FBXL5: variants seen among roughly 807,000 people sequenced by gnomAD.
FBXL5 encodes the protein F-box/LRR-repeat protein 5.
FBXL5 carries 26 observed loss-of-function variants against 78.3 expected under a neutral mutation model. That is an observed-to-expected ratio of 0.33 (90% CI 0.24 to 0.46). The LOEUF (loss-of-function observed/expected upper bound fraction) is 0.46. Ranked by LOEUF, FBXL5 falls within the 20% of genes least tolerant of loss-of-function variation. The probability of loss-of-function intolerance (pLI) is 1.00; values close to 1 mark genes in which losing one functional copy is unlikely to be tolerated. For missense variants in FBXL5, 710 were observed against 829.2 expected (o/e 0.86, Z 1.77); for synonymous variants, 295 against 282.5 (o/e 1.04, Z -0.45).
chr4:15,634,972 C>CTAATATTA (rs1318574704), intron 5 of FBXL5, among the ~76,000 whole-genome samples: 1 of 151,958 alleles, frequency 6.6e-6, no homozygotes, highest in African/African-American at 2.4e-5. Flanking sequence ...ATTATTTAGA[C>CTAATATTA]GATATAAGTC....
chr4:15,632,531 TC>T (rs1713785564), intron 5 of FBXL5, among the ~76,000 whole-genome samples: 1 of 152,214 alleles, frequency 6.6e-6, no homozygotes, highest in South Asian at 2.1e-4. Flanking sequence ...CGATACTGAT[TC>T]TTCCTATCCA....
intron 9 of FBXL5, among the ~76,000 whole-genome samples, chr4:15,617,645 G>A (rs555507240): frequency 3.9e-5 from 6 of 152,234 alleles, no homozygotes; most frequent in Admixed American, 2.6e-4. Flanking sequence ...CAGGGACATG[G>A]GTGGAGCTGG....
rs146277265 is a variant in FBXL5 at position 15,644,535 on chromosome 4, G to A, written c.258C>T (p.Ser86=). Residue 86 remains serine, a synonymous_variant, in exon 2 of 11, where the codon TCC becomes TCT. Transcript: ENST00000341285. ...CCTTTTCAAAGAGGCTAAGCATCTC[G>A]GAGAGTTTATTGTCAGAATGTACAT... is the stretch of plus-strand genomic sequence containing the variant. ...IYNVHSDNKL[S]EMLSLFEKGL... 43 of 1,613,902 alleles carry A rather than the reference G, an allele frequency of 2.7e-5. No individual in the cohort carries two copies. Among genetic ancestry groups the A allele is most frequent in the East Asian group, 2.0e-4 (9 of 44,862 alleles).
chr4:15,670,601 A>G (rs184275705), intron 1 of FBXL5, among the ~76,000 whole-genome samples: 1,763 of 152,290 alleles, frequency 0.012, 19 homozygotes, highest in Non-Finnish European at 0.019. Flanking sequence ...GTGGTTCTCA[A>G]CTGAAGGCAG....
chr4:15,662,815 G>A (rs1486783018), upstream of FBXL5, among the ~76,000 whole-genome samples: 1 of 152,080 alleles, frequency 6.6e-6, no homozygotes, highest in Non-Finnish European at 1.5e-5. Flanking sequence ...TTGCTGACAA[G>A]GAACAGCAGA....
chr4:15,640,530 C>A (rs1714748890), intron 3 of FBXL5, among the ~76,000 whole-genome samples: 1 of 151,586 alleles, frequency 6.6e-6, no homozygotes, highest in Non-Finnish European at 1.5e-5. Flanking sequence ...AAGACAGAGC[C>A]ATTTACAAAA....
chr4:15,679,578 C>CA (rs1258563515), intron 1 of FBXL5, among the ~76,000 whole-genome samples: 5 of 136,060 alleles, frequency 3.7e-5, no homozygotes, highest in African/African-American at 1.4e-4. Context: ...AAAAAAAAAA[C>CA]AAAAAAACAA....
intron 5 of FBXL5, among the ~76,000 whole-genome samples, chr4:15,633,103 T>C (rs919968560): frequency 3.3e-5 from 5 of 152,202 alleles, no homozygotes; most frequent in African/African-American, 9.6e-5. Context: ...TCAGACACAC[T>C]GAGAAGAACT....
At chr4:15,632,343 A>G (rs1207680078) in intron 5 of FBXL5, among the ~76,000 whole-genome samples, 1 of 152,184 alleles carries the variant, frequency 6.6e-6, no homozygotes, top group African/African-American at 2.4e-5. Context: ...GAGGTCAGGT[A>G]GCATGATGCC....
chr4:15,606,324 T>C (rs956479739), intron 10 of FBXL5, among the ~76,000 whole-genome samples: 3 of 152,160 alleles, frequency 2.0e-5, no homozygotes, highest in Non-Finnish European at 4.4e-5. Context: ...AAAATATCTA[T>C]ATATGGTAGG....
chr4:15,609,670 A>AATGTT (rs555018261), intron 10 of FBXL5, among the ~76,000 whole-genome samples: 154 of 152,158 alleles, frequency 1.0e-3, no homozygotes, highest in Admixed American at 1.7e-3. Flanking sequence ...ACACTTCTTA[A>AATGTT]ATGTTAAAGA....
upstream of FBXL5, among the ~76,000 whole-genome samples, chr4:15,663,882 CTAATA>C (rs1304713436): frequency 2.0e-5 from 3 of 152,116 alleles, no homozygotes; most frequent in Non-Finnish European, 4.4e-5. Flanking sequence ...CTTACCCTGG[CTAATA>C]TAATGACAGC....
intron 6 of FBXL5, 101 bp from the exon 7 acceptor site, chr4:15,628,134 C>A: frequency 1.7e-6 from 2 of 1,148,734 alleles, no homozygotes; most frequent in Non-Finnish European, 2.4e-6. Context: ...TTTGTGCTAT[C>A]CTTATACTTT....
intron 1 of FBXL5, among the ~76,000 whole-genome samples, chr4:15,650,413 G>A (rs1256765289): frequency 2.6e-5 from 4 of 151,882 alleles, no homozygotes; most frequent in Non-Finnish European, 4.4e-5. Flanking sequence ...TTTACTTTTC[G>A]GTTTAAATTT....
chr4:15,655,132 C>A (rs1244554653), intron 1 of FBXL5, 72 bp downstream of exon 1: 1 of 1,219,448 alleles, frequency 8.2e-7, no homozygotes, highest in Non-Finnish European at 1.1e-6. Flanking sequence ...CAGGCCAGGC[C>A]GCCCCAAGAA....
intron 2 of FBXL5, among the ~76,000 whole-genome samples, chr4:15,642,897 T>A (rs1715037054): frequency 1.3e-5 from 2 of 152,194 alleles, no homozygotes; most frequent in Admixed American, 1.3e-4. Context: ...TCAGGCTGAA[T>A]CCTCATTTTT....
At chr4:15,658,616 G>A (rs191374612), upstream of FBXL5, among the ~76,000 whole-genome samples, 11 of 152,202 alleles carry the variant, frequency 7.2e-5, 1 homozygote, top group East Asian at 1.9e-3. Flanking sequence ...CTGCAGAGTC[G>A]CCACCAGAAA....
intron 1 of FBXL5, among the ~76,000 whole-genome samples, chr4:15,651,473 T>A (rs1223791334): frequency 6.6e-6 from 1 of 152,188 alleles, no homozygotes; most frequent in Non-Finnish European, 1.5e-5. Context: ...TAGTAAGAAC[T>A]CATTAAATTC....
intron 5 of FBXL5, 58 bp from the exon 6 acceptor site, chr4:15,630,849 T>C (rs1027608198): frequency 1.2e-5 from 19 of 1,588,828 alleles, no homozygotes; most frequent in Non-Finnish European, 1.6e-5. Flanking sequence ...CCTGCAATTA[T>C]GAAAAACTAA....
Sources: allele counts gnomAD v4.1 joint callset (sites outside exome capture counted in the v4.1 genomes callset), GRCh38; gene constraint gnomAD v4.1.1; transcripts MANE v1.5; gene names NCBI Gene and HGNC (gene_info 2026-07-23, HGNC 2026-07-21).